WDR27: variants seen among roughly 807,000 people sequenced by gnomAD.
WDR27 encodes WD repeat-containing protein 27.
WDR27 carries 100 observed loss-of-function variants against 114.4 expected under a neutral mutation model. The observed-to-expected ratio is 0.87, with a 90% CI of 0.74 to 1.03. The LOEUF (loss-of-function observed/expected upper bound fraction) is 1.03, where lower values mean the gene tolerates loss of function less well. Ranked by LOEUF, WDR27 falls within the 50% of genes least tolerant of loss-of-function variation. WDR27 has a pLI of 0.00. For synonymous variants in WDR27, 449 were observed against 423.1 expected (o/e 1.06, Z -0.75); for missense variants, 1,129 against 1,092.9 (o/e 1.03, Z -0.47).
At chr6:169,492,201 C>A in intron 25 of WDR27, among the ~76,000 whole-genome samples, 2 of 150,668 alleles carry the variant, frequency 1.3e-5, no homozygotes, top group African/African-American at 2.4e-5. Flanking sequence ...TGTTAGAGAA[C>A]ACATTAGAAA....
chr6:169,594,288 G>A (rs888414238), intron 23 of WDR27, among the ~76,000 whole-genome samples: 9 of 152,144 alleles, frequency 5.9e-5, no homozygotes, highest in African/African-American at 2.2e-4. Flanking sequence ...GTGAGAAAAT[G>A]TTGATTTTTT....
At chr6:169,572,752 A>G (rs1422161870) in intron 24 of WDR27, among the ~76,000 whole-genome samples, 1 of 152,168 alleles carries the variant, frequency 6.6e-6, no homozygotes, top group Non-Finnish European at 1.5e-5. Context: ...GCATTTGTCT[A>G]TAGCAGAACC....
At chr6:169,578,000 G>T (rs1562617913) in intron 24 of WDR27, among the ~76,000 whole-genome samples, 1 of 151,852 alleles carries the variant, frequency 6.6e-6, no homozygotes, top group African/African-American at 2.4e-5. Flanking sequence ...AATTCCATCC[G>T]TCTCTCTCTC....
intron 25 of WDR27, among the ~76,000 whole-genome samples, chr6:169,513,506 A>G (rs1438126204): frequency 1.3e-5 from 2 of 152,230 alleles, no homozygotes; most frequent in Non-Finnish European, 2.9e-5. Context: ...AATTTTGGGG[A>G]GTTGTATAAA....
At chr6:169,475,151 G>A (rs1447480575) in intron 25 of WDR27, among the ~76,000 whole-genome samples, 2 of 152,164 alleles carry the variant, frequency 1.3e-5, no homozygotes, top group Non-Finnish European at 1.5e-5. Flanking sequence ...TGCTTTTCAA[G>A]TTTTATTTAA....
intron 19 of WDR27, among the ~76,000 whole-genome samples, chr6:169,634,811 CTA>C (rs1001934364): frequency 3.9e-5 from 6 of 152,192 alleles, no homozygotes; most frequent in Non-Finnish European, 8.8e-5. Context: ...CAGCCTTTTT[CTA>C]TAGGGTATTT....
intron 1 of WDR27, among the ~76,000 whole-genome samples, chr6:169,695,181 T>G (rs756418690): frequency 6.6e-6 from 1 of 152,238 alleles, no homozygotes; most frequent in Non-Finnish European, 1.5e-5. Flanking sequence ...AAAAGATCAT[T>G]GGTGCTGGAG....
chr6:169,636,565 C>A, intron 18 of WDR27, 61 bp from the exon 19 acceptor site: 1 of 1,472,856 alleles, frequency 6.8e-7, no homozygotes, highest in South Asian at 1.3e-5. Context: ...CACTATTGCT[C>A]TAAACATAAA....
chr6:169,676,934 C>T (rs1441944300), intron 2 of WDR27, among the ~76,000 whole-genome samples: 1 of 152,160 alleles, frequency 6.6e-6, no homozygotes, highest in Admixed American at 6.5e-5. Flanking sequence ...TGCCTTGGGC[C>T]TCTGGTCGCT....
intron 21 of WDR27, among the ~76,000 whole-genome samples, chr6:169,628,445 G>C (rs574246994): frequency 6.6e-6 from 1 of 152,176 alleles, no homozygotes; most frequent in Non-Finnish European, 1.5e-5. Flanking sequence ...GGAACACAGC[G>C]TGTCACAGGG....
chr6:169,500,539 G>A (rs1398588187), intron 25 of WDR27, among the ~76,000 whole-genome samples: 5 of 152,188 alleles, frequency 3.3e-5, no homozygotes, highest in African/African-American at 9.6e-5. Context: ...GTCTACGACC[G>A]AGAAGGCATC....
rs1207279340 is a variant in WDR27 at position 169,525,557 on chromosome 6, G to GA, written c.2645+46861dup. ...TCTCAAAAAAAAAAAAAAGAAAAAAGAAAAAAAAAGCTTTTCTCAAAAAGA... is the reference window on the plus strand; with the variant it reads ...TCTCAAAAAAAAAAAAAAGAAAAAAGAAAAAAAAAAGCTTTTCTCAAAAAGA... On this transcript the variant is annotated intron_variant, in intron 25 of 25. Coordinates refer to ENST00000448612, the MANE Select transcript of WDR27 (RefSeq NM_182552.5). Among the ~76,000 whole-genome samples the GA allele has an allele frequency of 5.5e-5, 8 of 145,352 alleles. No homozygotes were observed. In the South Asian group the frequency reaches 6.6e-4, roughly 12 times the overall value.
At chr6:169,528,859 T>C (rs1384245249) in intron 25 of WDR27, among the ~76,000 whole-genome samples, 2 of 152,164 alleles carry the variant, frequency 1.3e-5, no homozygotes, top group African/African-American at 4.8e-5. Flanking sequence ...TGTAGACAAA[T>C]AGTTTGCTCA....
chr6:169,511,155 C>A (rs537900687), intron 25 of WDR27, among the ~76,000 whole-genome samples: 4 of 152,282 alleles, frequency 2.6e-5, no homozygotes, highest in Non-Finnish European at 5.9e-5. Flanking sequence ...AGGCAATTTC[C>A]ACATTTCAAA....
downstream of WDR27, among the ~76,000 whole-genome samples, chr6:169,453,185 C>T (rs1438209643): frequency 2.0e-5 from 3 of 152,234 alleles, no homozygotes; most frequent in African/African-American, 7.2e-5. Context: ...CTCCAGAACA[C>T]GGCAAGCTGG....
chr6:169,434,280 G>A, the WDR27 span, among the ~76,000 whole-genome samples: 1 of 152,122 alleles, frequency 6.6e-6, no homozygotes, highest in African/African-American at 2.4e-5. Context: ...TGTAAGGAAG[G>A]GGTTCAGTTT....
Position 169,667,119 on chromosome 6 carries a change from G to T in WDR27, c.712+17C>A, listed in dbSNP as rs558739020. ...CACACAACCTATTTACAGAAAACAT[G>T]AAAGTTTTAAATTTACCTGATAACA... On this transcript the variant is annotated intron_variant, in intron 6 of 25. Coordinates refer to ENST00000448612, the MANE Select transcript of WDR27 (RefSeq NM_182552.5). 6.6e-7 allele frequency: 1 copy of T among 1,507,648 alleles called. No homozygotes were observed. The highest frequency in any genetic ancestry group is 1.4e-5 in the South Asian group (1 of 72,982). The allele number at this position is 1,507,648 out of a possible 1,614,324, so 93.4% of individuals were successfully genotyped here. A position where few individuals can be genotyped will look rare whatever the true frequency, so the allele number is the denominator to read the frequency against.
the WDR27 span, among the ~76,000 whole-genome samples, chr6:169,432,551 A>G: frequency 1.3e-5 from 2 of 152,202 alleles, no homozygotes; most frequent in African/African-American, 4.8e-5. Flanking sequence ...TGGTTTTACA[A>G]GGGGTTTCCC....
chr6:169,549,834 GA>G (rs1797873770), intron 25 of WDR27, among the ~76,000 whole-genome samples: 1 of 152,194 alleles, frequency 6.6e-6, no homozygotes, highest in South Asian at 2.1e-4. Context: ...ACACTATGGA[GA>G]CAGTAAAGAA....
Sources: gnomAD v4.1 joint callset for allele counts (sites outside exome capture counted in the v4.1 genomes callset) on GRCh38, gnomAD v4.1.1 for gene constraint, MANE v1.5 for transcripts, NCBI Gene and HGNC (gene_info 2026-07-23, HGNC 2026-07-21) for gene names.